The following NR1D2 variants were observed in gnomAD, a reference collection of about 807,000 sequenced individuals.
NR1D2 encodes V-erbA-related protein 1-related.
A neutral mutation model predicts 52.2 loss-of-function variants in NR1D2; 25 were observed. The ratio of observed to expected loss-of-function variants is 0.48; its 90% CI spans 0.35 to 0.67. NR1D2 has a LOEUF of 0.67. Ranked by LOEUF, NR1D2 falls within the 30% of genes least tolerant of loss-of-function variation. NR1D2 has a pLI of 0.01. For missense variants in NR1D2, 681 were observed against 707.2 expected, an observed-to-expected ratio of 0.96 and a Z score of 0.42; for synonymous variants, 259 against 230.1, an observed-to-expected ratio of 1.13 and a Z score of -1.14.
At position 23,962,216 on chromosome 3, in the gene NR1D2, G is replaced by A. The variant is rs1706268787; in HGVS notation, c.757G>A (p.Val253Met). ...PPSSDFAKEE[V>M]IGMVTRAHKD... is the part of the protein sequence containing the mutation. Reference sequence around the variant, plus strand: ...ATCTTCTGATTTTGCAAAGGAAGAAGTGATTGGCATGGTGACCAGAGCTCA... The same window carrying A: ...ATCTTCTGATTTTGCAAAGGAAGAAATGATTGGCATGGTGACCAGAGCTCA... Residue 253 changes from valine (V) to methionine (M), a missense_variant, in exon 5 of 8, where the codon GTG becomes ATG. By Grantham distance (21) the Val-to-Met change is conservative. Coordinates refer to ENST00000312521, the MANE Select transcript of NR1D2 (RefSeq NM_005126.5). 6.2e-7 allele frequency: 1 copy of A among 1,614,208 alleles called. No homozygotes were observed. Among genetic ancestry groups the A allele is most frequent in the African/African-American group, 1.3e-5 (1 of 75,044 alleles).
intron 7 of NR1D2, among the ~76,000 whole-genome samples, chr3:23,971,301 C>CCATTTTTTTTTTTTTTTTT (rs201185985): frequency 9.0e-6 from 1 of 110,852 alleles, no homozygotes; most frequent in Non-Finnish European, 1.8e-5. Flanking sequence ...ATCTCTATAC[C>CCATTTTTTTTTTTTTTTTT]TATTTTTTTT....
rs750364752 is a variant in NR1D2, at chr3:23,963,323, A to C, written c.1146+718A>C. ...CCTTTGATAGTGCTTGGTATTTTCTACTGACAGGTAATTAAAGTCGTCTTT... is the reference window on the plus strand; with the variant it reads ...CCTTTGATAGTGCTTGGTATTTTCTCCTGACAGGTAATTAAAGTCGTCTTT... On this transcript the variant is annotated intron_variant, in intron 5 of 7. Coordinates refer to ENST00000312521, the MANE Select transcript of NR1D2 (RefSeq NM_005126.5). The C allele has an allele frequency of 1.3e-5, 17 of 1,343,610 alleles. No homozygotes were observed. In the African/African-American group the frequency reaches 2.4e-4, roughly 19 times the overall value. 83.2% of individuals were successfully genotyped at this position (1,343,610 alleles called of 1,614,324 possible). A position where few individuals can be genotyped will look rare whatever the true frequency, so the allele number is the denominator to read the frequency against.
chr3:23,959,301 C>A (rs1249738904), intron 3 of NR1D2, among the ~76,000 whole-genome samples: 4 of 150,060 alleles, frequency 2.7e-5, no homozygotes, highest in Non-Finnish European at 1.5e-5. Flanking sequence ...ATTCATACTT[C>A]AAGAGTTTTG....
At chr3:23,958,590 T>C (rs902981374) in intron 3 of NR1D2, among the ~76,000 whole-genome samples, 1 of 148,306 alleles carries the variant, frequency 6.7e-6, no homozygotes, top group African/African-American at 2.5e-5. Context: ...CGGTGAGCTA[T>C]TATTACGTCA....
At position 23,965,105 on chromosome 3, in the gene NR1D2, G is replaced by A. The variant is rs202113239; in HGVS notation, c.1275G>A (p.Gly425=). The part of the protein sequence containing the change: ...EVVEFAKRIP[G]FRDLSQHDQV... ...TGGAATTTGCAAAGCGTATTCCTGG[G>A]TTCAGAGATCTCTCTCAGCATGACC... Residue 425 remains glycine, a synonymous_variant, in exon 6 of 8, where the codon GGG becomes GGA. Coordinates refer to ENST00000312521, the MANE Select transcript of NR1D2 (RefSeq NM_005126.5). 1.9e-5 allele frequency: 31 copies of A among 1,614,100 alleles called. No homozygotes were observed. The highest frequency in any genetic ancestry group is 1.7e-4 in the Middle Eastern group (1 of 6,060).
At chr3:23,968,425 A>C (rs1171170715) in intron 7 of NR1D2, among the ~76,000 whole-genome samples, 1 of 152,242 alleles carries the variant, frequency 6.6e-6, no homozygotes, top group East Asian at 1.9e-4. Flanking sequence ...AAGAGGTATT[A>C]GTGTGGTTTG....
intron 7 of NR1D2, among the ~76,000 whole-genome samples, chr3:23,973,238 A>G (rs576431732): frequency 1.9e-3 from 295 of 152,356 alleles, no homozygotes; most frequent in Non-Finnish European, 3.0e-3. Flanking sequence ...TGACGTAAAT[A>G]TGTTCTGAGA....
In NR1D2 at chr3:23,978,538, A is replaced by G. The variant is rs1352773914; in HGVS notation, c.*1119A>G. 6.6e-6 allele frequency: 1 copy of G among 151,922 alleles called. No individual in the cohort carries two copies. The highest frequency in any genetic ancestry group is 2.1e-4 in the South Asian group (1 of 4,822). 9.4% of individuals were successfully genotyped at this position (151,922 alleles called of 1,614,324 possible). On this transcript the variant is annotated 3_prime_UTR_variant, in exon 8 of 8. Coordinates refer to ENST00000312521, the MANE Select transcript of NR1D2 (RefSeq NM_005126.5). ...TCATCTTTGGCAAAATCTTTGGTTC[A>G]GGGTACTAGTTGTTTAAAAGTTGAT...
At chr3:23,975,615 C>T (rs1174353396) in intron 7 of NR1D2, among the ~76,000 whole-genome samples, 1 of 151,988 alleles carries the variant, frequency 6.6e-6, no homozygotes, top group Non-Finnish European at 1.5e-5. Context: ...GAAAATGAGC[C>T]AGGTGTGGTG....
intron 7 of NR1D2, among the ~76,000 whole-genome samples, chr3:23,969,527 T>C (rs1197839359): frequency 6.6e-6 from 1 of 152,238 alleles, no homozygotes; most frequent in Non-Finnish European, 1.5e-5. Context: ...TTACCTATCA[T>C]TTGCAGAATC....
At chr3:23,955,403 A>C (rs1174037331) in intron 2 of NR1D2, among the ~76,000 whole-genome samples, 1 of 152,202 alleles carries the variant, frequency 6.6e-6, no homozygotes, top group African/African-American at 2.4e-5. Flanking sequence ...AAATTTACAA[A>C]ATTTCTTATT....
At position 23,978,838 on chromosome 3, in the gene NR1D2, G is replaced by C. The variant is rs1706807577; in HGVS notation, c.*1419G>C. On this transcript the variant is annotated 3_prime_UTR_variant, in exon 8 of 8. Transcript: ENST00000312521. Reference sequence around the variant, plus strand: ...GACCTACAGGCTTAGAAATGGTATAGTCAAAGACATTTTATCCACATTTCT... The same window carrying C: ...GACCTACAGGCTTAGAAATGGTATACTCAAAGACATTTTATCCACATTTCT... 1 of 152,010 alleles carries C rather than the reference G, an allele frequency of 6.6e-6. No homozygotes were observed. The highest frequency in any genetic ancestry group is 2.4e-5 in the African/African-American group (1 of 41,404). The allele number at this position is 152,010 out of a possible 1,614,324, so 9.4% of individuals were successfully genotyped here. A position where few individuals can be genotyped will look rare whatever the true frequency, so the allele number is the denominator to read the frequency against.
rs1223053918 is a variant in NR1D2, at chr3:23,959,709, C to T, written c.411C>T (p.Tyr137=). Residue 137 remains tyrosine, a synonymous_variant, in exon 4 of 8, where the codon TAC becomes TAT. Transcript: ENST00000312521. The part of the protein sequence containing the change: ...FRRSIQQNIQ[Y]KKCLKNENCS... ...GAAGTATTCAACAAAACATCCAGTA[C>T]AAGAAGTGCCTGAAGAATGAAAACT... is the stretch of plus-strand genomic sequence containing the variant. 1.1e-5 allele frequency: 18 copies of T among 1,613,530 alleles called. No homozygotes were observed. The highest frequency in any genetic ancestry group is 1.5e-5 in the Non-Finnish European group (18 of 1,179,856).
intron 6 of NR1D2, among the ~76,000 whole-genome samples, chr3:23,966,375 T>G (rs1575156640): frequency 6.6e-6 from 1 of 152,372 alleles, no homozygotes; most frequent in South Asian, 2.1e-4. Flanking sequence ...TAGCTTTCTT[T>G]GTGGATAGTC....
chr3:23,954,282 A>AT (rs1352451644), intron 1 of NR1D2, among the ~76,000 whole-genome samples: 1 of 152,176 alleles, frequency 6.6e-6, no homozygotes, highest in Non-Finnish European at 1.5e-5. Flanking sequence ...AAGTACTATG[A>AT]TTACAGGCAT....
intron 1 of NR1D2, among the ~76,000 whole-genome samples, chr3:23,951,537 G>A (rs1248847471): frequency 1.3e-5 from 2 of 152,184 alleles, no homozygotes; most frequent in Non-Finnish European, 2.9e-5. Flanking sequence ...GATCTCTAAA[G>A]TTATATAAAG....
chr3:23,950,518 C>G (rs568607751), intron 1 of NR1D2, among the ~76,000 whole-genome samples: 1 of 152,320 alleles, frequency 6.6e-6, no homozygotes, highest in South Asian at 2.1e-4. Flanking sequence ...AGATGTACTC[C>G]TTTTCTTCTA....
rs1221227726 is a variant in NR1D2 at position 23,962,173 on chromosome 3, C to G, written c.714C>G (p.Ile238Met). 2 of 1,614,162 alleles carry G rather than the reference C, an allele frequency of 1.2e-6. No individual in the cohort carries two copies. The highest frequency in any genetic ancestry group is 1.7e-6 in the Non-Finnish European group (2 of 1,180,046). Reference sequence around the variant, plus strand: ...AGCCCCAACTGGAGCAAGAAAACATCAAAAGCTCTTCTCCTCCATCTTCTG... The same window carrying G: ...AGCCCCAACTGGAGCAAGAAAACATGAAAAGCTCTTCTCCTCCATCTTCTG... ...RPKPQLEQEN[I>M]KSSSPPSSDF... Residue 238 changes from isoleucine to methionine, a missense_variant, in exon 5 of 8, where the codon ATC (isoleucine) becomes ATG (methionine). Ile to Met is a conservative substitution (Grantham distance 10). Coordinates refer to ENST00000312521, the MANE Select transcript of NR1D2 (RefSeq NM_005126.5).
Position 23,977,365 on chromosome 3 carries a change from A to C in NR1D2, c.1686A>C (p.Arg562=), listed in dbSNP as rs1044198536. The C allele has an allele frequency of 6.2e-7, 1 of 1,613,204 alleles. No homozygotes were observed. Among genetic ancestry groups the C allele is most frequent in the Non-Finnish European group, 8.5e-7 (1 of 1,179,680 alleles). The change falls in exon 8 of 8, where the codon CGA becomes CGC. Residue 562 remains arginine, a synonymous_variant. Transcript: ENST00000312521. The part of the protein sequence containing the change: ...TKLLLKLPDL[R]SLNNMHSEEL... ...TGCTTCTAAAGTTGCCAGATCTTCGATCTTTAAACAACATGCACTCTGAGG... is the reference window on the plus strand; with the variant it reads ...TGCTTCTAAAGTTGCCAGATCTTCGCTCTTTAAACAACATGCACTCTGAGG...
Sources: allele counts gnomAD v4.1 joint callset (sites outside exome capture counted in the v4.1 genomes callset), GRCh38; gene constraint gnomAD v4.1.1; transcripts MANE v1.5; gene names NCBI Gene and HGNC (gene_info 2026-07-23, HGNC 2026-07-21).